The following PDZRN4 variants were observed in gnomAD, a reference collection of about 807,000 sequenced individuals.
The protein encoded by PDZRN4 is PDZ domain containing ring finger 4, also known as PDZ domain-containing RING finger protein 4.
In PDZRN4, 70 loss-of-function variants were observed where a neutral mutation model predicts 99.0. The observed-to-expected ratio is 0.71, with a 90% confidence interval of 0.58 to 0.86. The LOEUF is 0.86. Ranked by LOEUF, PDZRN4 falls within the 40% of genes least tolerant of loss-of-function variation. The pLI is 0.00. For missense variants in PDZRN4, 1,474 were observed against 1,331.2 expected (o/e 1.11, Z -1.67); for synonymous variants, 551 against 501.6 (o/e 1.10, Z -1.32).
chr12:41,489,941 C>A (rs1331086396), intron 3 of PDZRN4, among the ~76,000 whole-genome samples: 2 of 152,154 alleles, frequency 1.3e-5, no homozygotes, highest in Admixed American at 1.3e-4. Flanking sequence ...TTGCTGAAAA[C>A]ATATTGAGTT....
intron 3 of PDZRN4, among the ~76,000 whole-genome samples, chr12:41,357,933 G>A (rs1007659929): frequency 6.6e-6 from 1 of 151,978 alleles, no homozygotes; most frequent in Non-Finnish European, 1.5e-5. Context: ...TGATAAGTGA[G>A]AAACAGGCCA....
intron 3 of PDZRN4, among the ~76,000 whole-genome samples, chr12:41,283,652 T>G (rs1015839411): frequency 6.6e-6 from 1 of 152,170 alleles, no homozygotes; most frequent in East Asian, 1.9e-4. Context: ...ATCAAAAAGC[T>G]TTTCCACCGT....
chr12:41,352,173 G>T (rs1951895157), intron 3 of PDZRN4, among the ~76,000 whole-genome samples: 1 of 151,934 alleles, frequency 6.6e-6, no homozygotes, highest in African/African-American at 2.4e-5. Flanking sequence ...AAAGTTACCT[G>T]GTGAACTCAG....
rs951688606 is a variant in PDZRN4, at chr12:41,275,663, TA to T, written c.843+81482del. 1.4e-4 allele frequency among the ~76,000 whole-genome samples: 21 copies of T among 151,100 alleles called. 1 individual carries two copies. Among genetic ancestry groups the T allele is most frequent in the African/African-American group, 4.9e-4 (20 of 40,502 alleles). On this transcript the variant is annotated intron_variant, in intron 3 of 9. Coordinates refer to ENST00000402685, the MANE Select transcript of PDZRN4 (RefSeq NM_001164595.2). Reference sequence around the variant, plus strand: ...TATAAGAGTATACTGTGGATTTTTTTAAAAAAATAATCATTTCTGAGGGATT... The same window carrying T: ...TATAAGAGTATACTGTGGATTTTTTTAAAAAATAATCATTTCTGAGGGATT...
Position 41,572,395 on chromosome 12 carries a change from C to T in PDZRN4, c.1616C>T (p.Thr539Ile). Residue 539 changes from threonine (T) to isoleucine (I), a missense_variant, in exon 10 of 10, where the codon ACA (threonine) becomes ATA (isoleucine). Transcript: ENST00000402685. ...PKKQEEEEGT[T>I]DTATSSSNNH... ...AAGCAAGAAGAAGAAGAAGGCACAA[C>T]AGACACTGCAACATCCTCATCCAAC... The T allele has an allele frequency of 6.2e-7, 1 of 1,613,740 alleles. No individual in the cohort carries two copies. Among genetic ancestry groups the T allele is most frequent in the Non-Finnish European group, 8.5e-7 (1 of 1,179,784 alleles).
chr12:41,297,161 T>G (rs1445959988), intron 3 of PDZRN4, among the ~76,000 whole-genome samples: 1 of 152,200 alleles, frequency 6.6e-6, no homozygotes, highest in African/African-American at 2.4e-5. Flanking sequence ...TTTTTTAATT[T>G]TCATCTTTTA....
chr12:41,297,062 T>C (rs1454735176), intron 3 of PDZRN4, among the ~76,000 whole-genome samples: 1 of 152,200 alleles, frequency 6.6e-6, no homozygotes, highest in Non-Finnish European at 1.5e-5. Context: ...GGATGTTCAG[T>C]TTCTTAGGGA....
At chr12:41,278,295 G>T (rs1336280193) in intron 3 of PDZRN4, among the ~76,000 whole-genome samples, 1 of 152,154 alleles carries the variant, frequency 6.6e-6, no homozygotes, top group Non-Finnish European at 1.5e-5. Context: ...TACCAGAAAA[G>T]GTTGTCATCT....
intron 3 of PDZRN4, among the ~76,000 whole-genome samples, chr12:41,442,229 G>A (rs1332308038): frequency 6.6e-6 from 1 of 151,812 alleles, no homozygotes; most frequent in Non-Finnish European, 1.5e-5. Context: ...TCCCAATTTG[G>A]ACCCTTGTAA....
chr12:41,338,438 A>C (rs991028346), intron 3 of PDZRN4, among the ~76,000 whole-genome samples: 3 of 152,084 alleles, frequency 2.0e-5, no homozygotes, highest in African/African-American at 7.2e-5. Flanking sequence ...CATTTTGAAT[A>C]GTATTCAAAA....
At chr12:41,214,254 A>T (rs1950906059) in intron 3 of PDZRN4, among the ~76,000 whole-genome samples, 1 of 115,456 alleles carries the variant, frequency 8.7e-6, no homozygotes, top group Non-Finnish European at 1.8e-5. Context: ...CCTGTATTTA[A>T]AAAAAAAAAA....
At chr12:41,330,490 T>TAA (rs201298001) in intron 3 of PDZRN4, among the ~76,000 whole-genome samples, 27,550 of 139,230 alleles carry the variant, frequency 0.2, 3,303 homozygotes, top group Non-Finnish European at 0.28. Flanking sequence ...TCTAATATGG[T>TAA]AAAAAAAAAA....
chr12:41,522,321 C>T (rs1938505388), intron 5 of PDZRN4, among the ~76,000 whole-genome samples: 1 of 152,132 alleles, frequency 6.6e-6, no homozygotes. Context: ...CTTTGTCTCA[C>T]TCAGATAATT....
chr12:41,380,369 A>G (rs898249750), intron 3 of PDZRN4, among the ~76,000 whole-genome samples: 1 of 151,806 alleles, frequency 6.6e-6, no homozygotes, highest in Non-Finnish European at 1.5e-5. Flanking sequence ...TGCTATTGCC[A>G]TTTTGCTGAT....
intron 5 of PDZRN4, among the ~76,000 whole-genome samples, chr12:41,552,426 G>C (rs1303013841): frequency 6.6e-6 from 1 of 151,918 alleles, no homozygotes; most frequent in Non-Finnish European, 1.5e-5. Flanking sequence ...GCAAACAACT[G>C]TGTATCTCCA....
At chr12:41,194,843 C>G (rs1268091537) in intron 3 of PDZRN4, among the ~76,000 whole-genome samples, 2 of 151,976 alleles carry the variant, frequency 1.3e-5, no homozygotes, top group African/African-American at 2.4e-5. Context: ...GATGATAAAT[C>G]TCTGTTGAGG....
intron 5 of PDZRN4, among the ~76,000 whole-genome samples, chr12:41,534,832 C>A (rs1182743765): frequency 1.3e-5 from 2 of 152,108 alleles, no homozygotes; most frequent in Admixed American, 6.5e-5. Flanking sequence ...AAGGTTATTT[C>A]TGCATCTGTG....
intron 3 of PDZRN4, among the ~76,000 whole-genome samples, chr12:41,276,678 A>G (rs1449969540): frequency 2.6e-5 from 4 of 152,216 alleles, no homozygotes; most frequent in Non-Finnish European, 5.9e-5. Flanking sequence ...TGTTAGGGCC[A>G]GCAATCACTA....
intron 3 of PDZRN4, among the ~76,000 whole-genome samples, chr12:41,281,063 C>T (rs988388455): frequency 6.6e-6 from 1 of 152,002 alleles, no homozygotes; most frequent in Non-Finnish European, 1.5e-5. Context: ...TGGTGATACC[C>T]AGGTAAACAG....
Sources: allele counts gnomAD v4.1 joint callset (sites outside exome capture counted in the v4.1 genomes callset), GRCh38; gene constraint gnomAD v4.1.1; transcripts MANE v1.5; gene names NCBI Gene and HGNC (gene_info 2026-07-23, HGNC 2026-07-21).